The following CEP295 variants were observed in gnomAD, a reference collection of about 807,000 sequenced individuals.
CEP295 encodes the protein centrosomal protein of 295 kDa.
CEP295 carries 190 observed loss-of-function variants against 291.6 expected under a neutral mutation model. That is an observed-to-expected ratio of 0.65 (90% CI 0.58 to 0.73). The LOEUF (loss-of-function observed/expected upper bound fraction) is 0.73. Among genes scored for constraint, CEP295 ranks in the 30% least tolerant of loss-of-function variants. The probability of loss-of-function intolerance (pLI) is 0.00; values close to 1 mark genes in which losing one functional copy is unlikely to be tolerated. For missense variants in CEP295, 2,863 were observed against 2,949.4 expected (o/e 0.97, Z 0.68); for synonymous variants, 993 against 1,038.8 (o/e 0.96, Z 0.85).
rs1251764523 is a variant in CEP295, at chr11:93,721,686, G to GTT, written c.5851-267_5851-266insTT. ...GTCTGGTGTGTGTGTGTGTGTGTGT[G>GTT]TGTGTGTGTGTGTGTACGCACATGT... On this transcript the variant is annotated intron_variant, in intron 19 of 29. Coordinates refer to ENST00000325212, the MANE Select transcript of CEP295 (RefSeq NM_033395.2). 3 of 739,244 alleles carry GTT rather than the reference G, an allele frequency of 4.1e-6. No individual in the cohort carries two copies. In the Admixed American group the frequency reaches 5.2e-5, roughly 13 times the overall value. 45.8% of individuals were successfully genotyped at this position (739,244 alleles called of 1,614,324 possible). A position where few individuals can be genotyped will look rare whatever the true frequency, so the allele number is the denominator to read the frequency against.
Position 93,712,451 on chromosome 11 carries a change from G to A in CEP295, c.5749+5554G>A, listed in dbSNP as rs534448377. ...GTATTTTTAGTAGAGACGGGGTTTC[G>A]CCATGTTGGCCAGGCTGGTCTCGAA... On this transcript the variant is annotated intron_variant, in intron 18 of 29. Coordinates refer to ENST00000325212, the MANE Select transcript of CEP295 (RefSeq NM_033395.2). Among the ~76,000 whole-genome samples, 13 of 151,554 alleles carry A rather than the reference G, an allele frequency of 8.6e-5. No homozygotes were observed. In the East Asian group the frequency reaches 1.9e-3, roughly 23 times the overall value.
At chr11:93,706,660 T>C (rs1952527896) in intron 17 of CEP295, 85 bp from the exon 18 acceptor site, 6 of 1,188,806 alleles carry the variant, frequency 5.0e-6, no homozygotes, top group Non-Finnish European at 3.5e-6. Flanking sequence ...AGAGCTTAGA[T>C]TTCTACCCAT....
At position 93,698,328 on chromosome 11, in the gene CEP295, A is replaced by G. The variant is rs1321033914; in HGVS notation, c.3416A>G (p.His1139Arg). The part of the protein sequence containing the change: ...SEKENVGPSC[H>R]LIIPTFQDKS... Reference sequence around the variant, plus strand: ...AAGGAGAATGTAGGTCCCTCCTGTCATTTGATAATCCCAACATTTCAGGAT... The same window carrying G: ...AAGGAGAATGTAGGTCCCTCCTGTCGTTTGATAATCCCAACATTTCAGGAT... The change falls in exon 15 of 30, where the codon CAT becomes CGT. Residue 1139 changes from histidine to arginine, a missense_variant. His to Arg is a conservative substitution (Grantham distance 29). Around this residue, in one of 3 missense-constraint regions of CEP295, gnomAD observed 2,295 missense variants for 2,335.7 expected, o/e 0.98. Transcript: ENST00000325212. 6.4e-7 allele frequency: 1 copy of G among 1,552,140 alleles called. No homozygotes were observed. The highest frequency in any genetic ancestry group is 1.2e-5 in the South Asian group (1 of 84,052).
At position 93,725,657 on chromosome 11, in the gene CEP295, G is replaced by T. The variant is rs758795453; in HGVS notation, c.6325G>T (p.Asp2109Tyr). 1 of 1,538,106 alleles carries T rather than the reference G, an allele frequency of 6.5e-7. No individual in the cohort carries two copies. Among genetic ancestry groups the T allele is most frequent in the Non-Finnish European group, 8.7e-7 (1 of 1,143,136 alleles). Residue 2109 changes from aspartate to tyrosine, a missense_variant, in exon 23 of 30, where the codon GAT (aspartate) becomes TAT (tyrosine). Around this residue, in one of 3 missense-constraint regions of CEP295, gnomAD observed 2,295 missense variants for 2,335.7 expected, o/e 0.98. Coordinates refer to ENST00000325212, the MANE Select transcript of CEP295 (RefSeq NM_033395.2). ...PDNRDFYQRS[D>Y]SSSESHCATG... The stretch of plus-strand genomic sequence containing the variant: ...CCCTTTTGTTTCCTGCCAGAGATCA[G>T]ATTCTTCATCTGAAAGCCACTGTGC...
At chr11:93,671,286 T>G (rs1296782480) in intron 5 of CEP295, among the ~76,000 whole-genome samples, 4 of 150,888 alleles carry the variant, frequency 2.7e-5, no homozygotes, top group African/African-American at 9.8e-5. Flanking sequence ...GGTAAATGGG[T>G]TTTTTTTTCC....
At chr11:93,667,485 T>A in intron 2 of CEP295, 122 bp from the exon 3 acceptor site, 1 of 658,538 alleles carries the variant, frequency 1.5e-6, no homozygotes, top group South Asian at 2.2e-5. Context: ...TAATACAAGA[T>A]GAGTATCAAA....
At chr11:93,684,860 CAT>C (rs1315480686) in intron 9 of CEP295, among the ~76,000 whole-genome samples, 1 of 152,180 alleles carries the variant, frequency 6.6e-6, no homozygotes, top group African/African-American at 2.4e-5. Flanking sequence ...CAAAGATCAG[CAT>C]AGACTTGTCA....
At chr11:93,727,689 A>G in intron 24 of CEP295, 52 bp downstream of exon 24, 2 of 1,402,810 alleles carry the variant, frequency 1.4e-6, no homozygotes. Flanking sequence ...TTTTGGGAAA[A>G]AACTTTTTTC....
chr11:93,709,179 G>A (rs1335040155), intron 18 of CEP295, among the ~76,000 whole-genome samples: 1 of 151,976 alleles, frequency 6.6e-6, no homozygotes, highest in African/African-American at 2.4e-5. Flanking sequence ...TTTTGCTTTG[G>A]TTTCCTGTGC....
intron 10 of CEP295, among the ~76,000 whole-genome samples, chr11:93,688,441 A>G (rs1951354980): frequency 1.3e-5 from 2 of 152,204 alleles, no homozygotes; most frequent in Non-Finnish European, 2.9e-5. Context: ...TTGGATTTGT[A>G]TAGAAATGTT....
chr11:93,678,839 CTGTCATTTTAA>C (rs373937955), intron 6 of CEP295, among the ~76,000 whole-genome samples: 171 of 152,032 alleles, frequency 1.1e-3, no homozygotes, highest in African/African-American at 3.8e-3. Flanking sequence ...CCTTTCAATA[CTGTCATTTTAA>C]TGAAGTTTCC....
Position 93,724,251 on chromosome 11 carries a change from C to T in CEP295, c.6197-3C>T. The T allele has an allele frequency of 6.5e-7, 1 of 1,543,814 alleles. No individual in the cohort carries two copies. The highest frequency in any genetic ancestry group is 2.0e-5 in the Admixed American group (1 of 49,050). Reference sequence around the variant, plus strand: ...ATTCTAACAGTTGACCTTGACTTTCCAGAATTGGAACACATTTTTCCTAAT... The same window carrying T: ...ATTCTAACAGTTGACCTTGACTTTCTAGAATTGGAACACATTTTTCCTAAT... On this transcript the variant is annotated splice_region_variant and splice_polypyrimidine_tract_variant and intron_variant, in intron 21 of 29. Transcript: ENST00000325212.
At chr11:93,705,442 C>T (rs925756158) in intron 17 of CEP295, among the ~76,000 whole-genome samples, 1 of 152,010 alleles carries the variant, frequency 6.6e-6, no homozygotes, top group Non-Finnish European at 1.5e-5. Context: ...TTGATCTTTC[C>T]ATTTTTTCTT....
Position 93,714,183 on chromosome 11 carries a change from A to T in CEP295, c.5750-7129A>T, listed in dbSNP as rs560309579. ...GTCCCTTATTTAGTTTGGTGAAGTC[A>T]TGTTTTCCTGTATGGTCTTGATGTT... On this transcript the variant is annotated intron_variant, in intron 18 of 29. Coordinates refer to ENST00000325212, the MANE Select transcript of CEP295 (RefSeq NM_033395.2). 3.9e-5 allele frequency among the ~76,000 whole-genome samples: 6 copies of T among 152,212 alleles called. No individual in the cohort carries two copies. In the East Asian group the frequency reaches 9.7e-4, roughly 25 times the overall value.
chr11:93,727,109 C>G lies in CEP295; in HGVS notation c.6633C>G (p.Pro2211=), dbSNP rs1290065065. ...SSQGMKNQNY[P]SEEHTEILQN... Reference sequence around the variant, plus strand: ...AAGGCATGAAAAATCAGAACTATCCCTCTGAAGAACATACTGAAATATTAC... The same window carrying G: ...AAGGCATGAAAAATCAGAACTATCCGTCTGAAGAACATACTGAAATATTAC... The change falls in exon 24 of 30, where the codon CCC becomes CCG. Residue 2211 remains proline, a synonymous_variant. Transcript: ENST00000325212. 1 of 1,551,356 alleles carries G rather than the reference C, an allele frequency of 6.4e-7. No homozygotes were observed. Among genetic ancestry groups the G allele is most frequent in the Non-Finnish European group, 8.7e-7 (1 of 1,146,850 alleles).
Position 93,727,219 on chromosome 11 carries a change from T to C in CEP295, c.6743T>C (p.Phe2248Ser). The change falls in exon 24 of 30, where the codon TTT (phenylalanine) becomes TCT (serine). Residue 2248 changes from phenylalanine (F) to serine (S), a missense_variant. This residue lies in a region of CEP295 where 2,295 missense variants were observed against 2,335.7 expected (regional missense o/e 0.98). Coordinates refer to ENST00000325212, the MANE Select transcript of CEP295 (RefSeq NM_033395.2). ...VYSSSDEANV[F>S]DQLNVQHSTP... ...AGTTCATCTGATGAAGCTAATGTAT[T>C]TGATCAGTTAAATGTACAGCATAGC... 6.4e-7 allele frequency: 1 copy of C among 1,551,628 alleles called. No individual in the cohort carries two copies. Among genetic ancestry groups the C allele is most frequent in the Non-Finnish European group, 8.7e-7 (1 of 1,146,950 alleles).
intron 17 of CEP295, among the ~76,000 whole-genome samples, chr11:93,703,300 C>A (rs1952292227): frequency 6.7e-6 from 1 of 149,120 alleles, no homozygotes. Context: ...TTTTGTTAAA[C>A]TTATAGCAGA....
At position 93,727,468 on chromosome 11, in the gene CEP295, G is replaced by A. The variant is rs1954239707; in HGVS notation, c.6992G>A (p.Gly2331Glu). Residue 2331 changes from glycine to glutamate, a missense_variant, in exon 24 of 30, where the codon GGA becomes GAA. Around this residue, in one of 3 missense-constraint regions of CEP295, gnomAD observed 2,295 missense variants for 2,335.7 expected, o/e 0.98. Coordinates refer to ENST00000325212, the MANE Select transcript of CEP295 (RefSeq NM_033395.2). ...SRLCVRTVEM[G>E]TSIQAPYSLT... is the part of the protein sequence containing the mutation. ...TTATGTGTAAGAACAGTGGAGATGGGAACTTCAATTCAGGCACCATATTCC... is the reference window on the plus strand; with the variant it reads ...TTATGTGTAAGAACAGTGGAGATGGAAACTTCAATTCAGGCACCATATTCC... The A allele has an allele frequency of 5.8e-6, 9 of 1,551,846 alleles. 1 individual carries two copies. In the South Asian group the frequency reaches 1.1e-4, roughly 18 times the overall value.
At chr11:93,710,207 T>C (rs1043484650) in intron 18 of CEP295, among the ~76,000 whole-genome samples, 4 of 151,314 alleles carry the variant, frequency 2.6e-5, no homozygotes, top group Non-Finnish European at 4.4e-5. Context: ...TCCTTGTGTT[T>C]CAGATCTTAG....
Sources: gnomAD v4.1 joint callset for allele counts (sites outside exome capture counted in the v4.1 genomes callset) on GRCh38, gnomAD v4.1.1 for gene constraint, gnomAD v4.1.1 regional missense constraint, MANE v1.5 for transcripts, NCBI Gene and HGNC (gene_info 2026-07-23, HGNC 2026-07-21) for gene names.